CLEC16A: variants seen among roughly 807,000 people sequenced by gnomAD.
CLEC16A encodes C-type lectin domain containing 16A.
CLEC16A carries 51 observed loss-of-function variants against 109.5 expected under a neutral mutation model. That is an observed-to-expected ratio of 0.47 (90% CI 0.37 to 0.59). The LOEUF (loss-of-function observed/expected upper bound fraction) is 0.59, where lower values mean the gene tolerates loss of function less well. Ranked by LOEUF, CLEC16A falls within the 20% of genes least tolerant of loss-of-function variation. CLEC16A has a pLI of 0.00. For missense variants in CLEC16A, 1,339 were observed against 1,394.0 expected (o/e 0.96, Z 0.63); for synonymous variants, 673 against 564.2 (o/e 1.19, Z -2.73).
chr16:11,033,743 C>T (rs1187062657), intron 13 of CLEC16A, among the ~76,000 whole-genome samples: 1 of 152,092 alleles, frequency 6.6e-6, no homozygotes, highest in Non-Finnish European at 1.5e-5. Flanking sequence ...TGAGCTCAGG[C>T]CTTCCAGTAA....
Position 10,961,280 on chromosome 16 carries a change from T to C in CLEC16A, c.210-1175T>C, listed in dbSNP as rs114787263. Among the ~76,000 whole-genome samples, 2,409 of 152,268 alleles carry C rather than the reference T, an allele frequency of 0.016. 62 individuals are homozygous for C. Among genetic ancestry groups the C allele is most frequent in the African/African-American group, 0.055 (2,266 of 41,540 alleles). On this transcript the variant is annotated intron_variant, in intron 2 of 23. Coordinates refer to ENST00000409790, the MANE Select transcript of CLEC16A (RefSeq NM_015226.3). The surrounding 1 kb of genome is among the most constrained non-coding windows in gnomAD (Gnocchi z 4.3). ...TGGAGAAGATTGTAAGGGTCTTTTT[T>C]AGGCCATTTAAATTTTTTCATTTAT...
chr16:11,152,044 T>C (rs1363989233), intron 22 of CLEC16A, among the ~76,000 whole-genome samples: 1 of 152,146 alleles, frequency 6.6e-6, no homozygotes, highest in African/African-American at 2.4e-5. Context: ...GGTGCTTGAG[T>C]ACTGCCGGCT....
At position 10,961,993 on chromosome 16, in the gene CLEC16A, C is replaced by T. The variant is rs924486280; in HGVS notation, c.210-462C>T. Among the ~76,000 whole-genome samples the T allele has an allele frequency of 6.9e-6, 1 of 145,270 alleles. No homozygotes were observed. Among genetic ancestry groups the T allele is most frequent in the Non-Finnish European group, 1.5e-5 (1 of 67,136 alleles). On this transcript the variant is annotated intron_variant, in intron 2 of 23. Transcript: ENST00000409790. This position sits in a 1 kb window ranked among gnomAD's most constrained non-coding sequence, Gnocchi z 4.3. ...CTTTTTTTTTTTTTTGGCTCTGTCA[C>T]CCAGGCTGGAGTGCAGTGGCCTGAT... is the stretch of plus-strand genomic sequence containing the variant.
chr16:10,983,424 G>A (rs1334565759), intron 10 of CLEC16A, among the ~76,000 whole-genome samples: 1 of 152,248 alleles, frequency 6.6e-6, no homozygotes, highest in African/African-American at 2.4e-5. Context: ...AGCAGCTCCT[G>A]TTCTACCCCA....
intron 17 of CLEC16A, among the ~76,000 whole-genome samples, chr16:11,049,297 C>A (rs561554976): frequency 6.6e-6 from 1 of 152,082 alleles, no homozygotes; most frequent in Non-Finnish European, 1.5e-5. Flanking sequence ...TGAGCCACCG[C>A]ACCTGGCAAT....
intron 22 of CLEC16A, among the ~76,000 whole-genome samples, chr16:11,156,917 G>GCCCCCCC (rs60216625): frequency 4.6e-3 from 356 of 77,338 alleles, no homozygotes; most frequent in Non-Finnish European, 5.5e-3. Flanking sequence ...CCAAATGCCC[G>GCCCCCCC]CCCCCCCCCC....
chr16:10,992,086 A>G (rs1046766021), intron 10 of CLEC16A, among the ~76,000 whole-genome samples: 20 of 152,218 alleles, frequency 1.3e-4, no homozygotes, highest in African/African-American at 4.6e-4. Context: ...TGGCCCCAGG[A>G]CAGCTTCCTG....
intron 22 of CLEC16A, chr16:11,149,977 A>G (rs1223002864): frequency 1.3e-5 from 2 of 152,152 alleles, no homozygotes; most frequent in Non-Finnish European, 2.9e-5. Context: ...TGAAACCCAA[A>G]CAGCTCTGAA....
chr16:11,153,640 C>A (rs1021946413), intron 22 of CLEC16A, among the ~76,000 whole-genome samples: 3 of 150,648 alleles, frequency 2.0e-5, no homozygotes, highest in Non-Finnish European at 4.4e-5. Context: ...CTTCTTGACG[C>A]ACATTATAGA....
In CLEC16A at chr16:10,972,708, CTAATTTATTTT is replaced by C. The variant is rs1285136394; in HGVS notation, c.604+153_604+163del. The C allele has an allele frequency of 2.0e-5, 17 of 851,338 alleles. No homozygotes were observed. The South Asian group carries it at 2.4e-4, about 12-fold the overall frequency. 52.7% of individuals were successfully genotyped at this position (851,338 alleles called of 1,614,324 possible). On this transcript the variant is annotated intron_variant, in intron 6 of 23. Transcript: ENST00000409790. The stretch of plus-strand genomic sequence containing the variant: ...CATGCACCATTAATGTTTAGCCCAA[CTAATTTATTTT>C]TAAGTATAAAATATCATAAGAACTG...
intron 1 of CLEC16A, among the ~76,000 whole-genome samples, chr16:10,950,851 T>C (rs766156699): frequency 1.4e-4 from 21 of 152,344 alleles, no homozygotes; most frequent in Non-Finnish European, 2.8e-4. Context: ...CCAGACCTCC[T>C]ATCATTCTGC....
In CLEC16A at chr16:10,982,980, C is replaced by G; in HGVS notation, c.1060C>G (p.Gln354Glu). 1 of 1,593,416 alleles carries G rather than the reference C, an allele frequency of 6.3e-7. No individual in the cohort carries two copies. Among genetic ancestry groups the G allele is most frequent in the Non-Finnish European group, 8.6e-7 (1 of 1,161,404 alleles). Residue 354 changes from glutamine to glutamate, a missense_variant, in exon 10 of 24, where the codon CAG becomes GAG. By Grantham distance (29) the Gln-to-Glu change is conservative. Around this residue, in one of 3 missense-constraint regions of CLEC16A, gnomAD observed 1,061 missense variants for 1,006.8 expected, o/e 1.05. Coordinates refer to ENST00000409790, the MANE Select transcript of CLEC16A (RefSeq NM_015226.3). ...EMYAKTEQDIQRSSAKPSIRC... is the reference protein window; with the variant it reads ...EMYAKTEQDIERSSAKPSIRC... The stretch of plus-strand genomic sequence containing the variant: ...GTACGCTAAGACTGAACAGGATATT[C>G]AGAGAAGTTCTGTAAGTCATTAGCT...
At chr16:11,123,161 C>T (rs780874549) in intron 20 of CLEC16A, among the ~76,000 whole-genome samples, 4 of 152,132 alleles carry the variant, frequency 2.6e-5, no homozygotes, top group Non-Finnish European at 5.9e-5. Context: ...TTCGGCCTCC[C>T]AAAGTGCTGG....
chr16:11,169,937 C>CGT (rs751009775), intron 23 of CLEC16A, among the ~76,000 whole-genome samples: 154 of 152,274 alleles, frequency 1.0e-3, no homozygotes, highest in Admixed American at 4.0e-3. Context: ...TTGTTGAATC[C>CGT]TGCCACACTC....
At chr16:10,963,671 C>G (rs374262128) in intron 3 of CLEC16A, among the ~76,000 whole-genome samples, 1 of 152,196 alleles carries the variant, frequency 6.6e-6, no homozygotes, top group Non-Finnish European at 1.5e-5. Context: ...TTTCGTCATC[C>G]GTAATAACCA....
intron 7 of CLEC16A, among the ~76,000 whole-genome samples, chr16:10,973,293 A>T (rs1257508647): frequency 1.3e-5 from 2 of 152,354 alleles, no homozygotes; most frequent in East Asian, 3.9e-4. Flanking sequence ...GTACAGCCAT[A>T]GATGGGGCTG....
Position 11,046,471 on chromosome 16 carries a change from G to GGT in CLEC16A, c.1816-804_1816-803dup, listed in dbSNP as rs148342149. On this transcript the variant is annotated intron_variant, in intron 16 of 23. Transcript: ENST00000409790. Reference sequence around the variant, plus strand: ...ATTCCCTTTCCCACCCCAAGTGTGGGGTGTGTGTGTGTGTGTGTCTCATTC... The same window carrying GGT: ...ATTCCCTTTCCCACCCCAAGTGTGGGGTGTGTGTGTGTGTGTGTGTCTCATTC... Among the ~76,000 whole-genome samples the GGT allele has an allele frequency of 1.7e-3, 250 of 150,894 alleles. 1 individual carries two copies. The highest frequency in any genetic ancestry group is 0.01 in the Middle Eastern group (3 of 294).
chr16:11,151,737 G>C (rs922082316), intron 22 of CLEC16A, among the ~76,000 whole-genome samples: 2 of 152,198 alleles, frequency 1.3e-5, no homozygotes, highest in Non-Finnish European at 2.9e-5. Flanking sequence ...CTCTGATTTA[G>C]TTCAGTCCGT....
intron 23 of CLEC16A, among the ~76,000 whole-genome samples, chr16:11,173,109 A>G (rs75273184): frequency 0.02 from 3,098 of 152,110 alleles, 102 homozygotes; most frequent in African/African-American, 0.071. Context: ...TGAGAGTCAG[A>G]TGACCTGAAA....
Sources: gnomAD v4.1 joint callset for allele counts (sites outside exome capture counted in the v4.1 genomes callset) on GRCh38, gnomAD v4.1.1 for gene constraint, gnomAD v4.1.1 regional missense constraint, Gnocchi (gnomAD v3.1) non-coding constraint, MANE v1.5 for transcripts, NCBI Gene and HGNC (gene_info 2026-07-23, HGNC 2026-07-21) for gene names.